PAK2: variants seen among roughly 807,000 people sequenced by gnomAD.
PAK2 encodes the protein p21 (RAC1) activated kinase 2, also known as serine/threonine-protein kinase PAK 2.
Under a neutral mutation model 65.9 loss-of-function variants are expected in PAK2, and 21 were observed. That is an observed-to-expected ratio of 0.32 (90% CI 0.23 to 0.46). PAK2 has a LOEUF of 0.46. Among genes scored for constraint, PAK2 ranks in the 20% least tolerant of loss-of-function variants. The pLI is 1.00. For missense variants in PAK2, 324 were observed against 642.6 expected (o/e 0.50, Z 5.36); for synonymous variants, 204 against 219.7 (o/e 0.93, Z 0.63).
At chr3:196,743,201 G>T (rs116420544) in intron 1 of PAK2, among the ~76,000 whole-genome samples, 56 of 152,290 alleles carry the variant, frequency 3.7e-4, no homozygotes, top group African/African-American at 1.1e-3. Flanking sequence ...AGGGTCACCT[G>T]CCTGGTTAAG....
At chr3:196,784,777 T>C (rs892703303) in intron 2 of PAK2, among the ~76,000 whole-genome samples, 2 of 151,410 alleles carry the variant, frequency 1.3e-5, no homozygotes, top group Admixed American at 6.6e-5. Context: ...GTATTGCTAG[T>C]TCTAGATCCC....
At position 196,739,915 on chromosome 3, in the gene PAK2, C is replaced by G. The variant is rs567831941; in HGVS notation, c.-264C>G. On this transcript the variant is annotated 5_prime_UTR_variant, in exon 1 of 15. Transcript: ENST00000327134. ...CGGCGGCGGTTGTTCCGCTTCCCCT[C>G]CGGCCCGGGCCGTCGCCATTGCCGA... 5.3e-5 allele frequency: 8 copies of G among 152,344 alleles called. No homozygotes were observed. The highest frequency in any genetic ancestry group is 1.9e-4 in the African/African-American group (8 of 41,550). 9.4% of individuals were successfully genotyped at this position (152,344 alleles called of 1,614,324 possible).
At chr3:196,746,521 A>G (rs1713385822) in intron 1 of PAK2, among the ~76,000 whole-genome samples, 1 of 152,188 alleles carries the variant, frequency 6.6e-6, no homozygotes. Flanking sequence ...ATTTAGATTA[A>G]TAAGAATAGG....
chr3:196,821,424 G>A (rs943039574), intron 13 of PAK2, among the ~76,000 whole-genome samples: 12 of 152,128 alleles, frequency 7.9e-5, no homozygotes, highest in African/African-American at 2.7e-4. Flanking sequence ...ATTGGTGACC[G>A]GGTGCGGTGG....
intron 1 of PAK2, among the ~76,000 whole-genome samples, chr3:196,756,600 G>C (rs903529612): frequency 2.0e-5 from 3 of 152,214 alleles, no homozygotes; most frequent in African/African-American, 4.8e-5. Context: ...CACTTTGGGA[G>C]GCCGAGCTGG....
intron 13 of PAK2, among the ~76,000 whole-genome samples, chr3:196,826,013 GT>G (rs55829279): frequency 0.91 from 135,800 of 149,998 alleles, 61,665 homozygotes; most frequent in East Asian, 1. Flanking sequence ...CCAGCTAATT[GT>G]TTTTTTTTTG....
At chr3:196,742,023 A>G (rs921054382) in intron 1 of PAK2, among the ~76,000 whole-genome samples, 11 of 152,148 alleles carry the variant, frequency 7.2e-5, no homozygotes, top group Middle Eastern at 6.8e-3. Flanking sequence ...TTATAGTTCG[A>G]GTATACAGGC....
intron 2 of PAK2, 43 bp from the exon 3 acceptor site, chr3:196,801,884 T>G (rs768746789): frequency 9.9e-7 from 1 of 1,013,774 alleles, no homozygotes; most frequent in South Asian, 1.3e-5. Flanking sequence ...CTAGTCTTGT[T>G]TAAATAGGCT....
intron 13 of PAK2, among the ~76,000 whole-genome samples, chr3:196,826,374 A>G (rs927258501): frequency 1.1e-4 from 16 of 151,454 alleles, no homozygotes; most frequent in South Asian, 4.2e-4. Context: ...GGGTTTCACC[A>G]TGTTAGTCAG....
Position 196,828,627 on chromosome 3 carries a change from G to C in PAK2, c.*222G>C, listed in dbSNP as rs1445638199. The C allele has an allele frequency of 2.0e-6, 1 of 492,574 alleles. No homozygotes were observed. The highest frequency in any genetic ancestry group is 2.0e-5 in the African/African-American group (1 of 49,174). The allele number at this position is 492,574 out of a possible 1,614,324, so 30.5% of individuals were successfully genotyped here. ...TAGGGTCCAGAAGGAATTGTGGACT[G>C]AATCACTAGCCTTAGGTCTTTCAGC... On this transcript the variant is annotated 3_prime_UTR_variant, in exon 15 of 15. Coordinates refer to ENST00000327134, the MANE Select transcript of PAK2 (RefSeq NM_002577.4).
intron 7 of PAK2, among the ~76,000 whole-genome samples, chr3:196,809,180 C>T (rs1715691759): frequency 6.7e-6 from 1 of 148,416 alleles, no homozygotes; most frequent in African/African-American, 2.5e-5. Flanking sequence ...CCCGTGAGTT[C>T]AAGGCTGTAG....
chr3:196,828,319 C>T lies in PAK2; in HGVS notation c.1489C>T (p.His497Tyr). The T allele has an allele frequency of 6.3e-7, 1 of 1,585,160 alleles. No individual in the cohort carries two copies. The highest frequency in any genetic ancestry group is 8.6e-7 in the Non-Finnish European group (1 of 1,157,388). The change falls in exon 15 of 15, where the codon CAT becomes TAT. Residue 497 changes from histidine to tyrosine, a missense_variant and splice_region_variant. By Grantham distance (83) the His-to-Tyr change is moderately conservative. Coordinates refer to ENST00000327134, the MANE Select transcript of PAK2 (RefSeq NM_002577.4). ...TTATTTTTCCCCTTCTTTCTGGCAGCATCCTTTCCTGAAACTGGCCAAACC... is the reference window on the plus strand; with the variant it reads ...TTATTTTTCCCCTTCTTTCTGGCAGTATCCTTTCCTGAAACTGGCCAAACC... ...KRGSAKELLQHPFLKLAKPLS... is the reference protein window; with the variant it reads ...KRGSAKELLQYPFLKLAKPLS...
chr3:196,742,235 C>T (rs773413248), intron 1 of PAK2, among the ~76,000 whole-genome samples: 8 of 151,694 alleles, frequency 5.3e-5, no homozygotes, highest in Non-Finnish European at 8.8e-5. Flanking sequence ...ATTACAGGCA[C>T]GCGCCACCAC....
chr3:196,796,988 G>A (rs1218190364), intron 2 of PAK2, among the ~76,000 whole-genome samples: 2 of 152,012 alleles, frequency 1.3e-5, no homozygotes, highest in Admixed American at 6.6e-5. Flanking sequence ...AATTATAATC[G>A]GAGATTCCAA....
At chr3:196,815,274 T>C (rs1715973595) in intron 11 of PAK2, among the ~76,000 whole-genome samples, 1 of 151,348 alleles carries the variant, frequency 6.6e-6, no homozygotes, top group Non-Finnish European at 1.5e-5. Context: ...GCAGATTCCC[T>C]GAGGTCAGGA....
chr3:196,824,289 A>C (rs566702775), intron 13 of PAK2, among the ~76,000 whole-genome samples: 1 of 152,270 alleles, frequency 6.6e-6, no homozygotes, highest in Admixed American at 6.5e-5. Context: ...TGATGGGGGG[A>C]AAAAGCATAT....
chr3:196,798,186 A>G (rs755206412), intron 2 of PAK2, among the ~76,000 whole-genome samples: 1 of 152,192 alleles, frequency 6.6e-6, no homozygotes, highest in Non-Finnish European at 1.5e-5. Context: ...TAGAATGTCA[A>G]TAAAATGGAT....
intron 2 of PAK2, among the ~76,000 whole-genome samples, chr3:196,795,705 G>C (rs964888475): frequency 3.9e-5 from 6 of 152,026 alleles, no homozygotes; most frequent in African/African-American, 1.4e-4. Flanking sequence ...AACAAAGGAG[G>C]ACACAGAATT....
intron 1 of PAK2, among the ~76,000 whole-genome samples, chr3:196,764,845 T>A (rs9879489): frequency 7.1e-6 from 1 of 140,314 alleles, no homozygotes; most frequent in African/African-American, 2.7e-5. Context: ...TTCTTTCTTT[T>A]TTTTTTTTTT....
Sources: allele counts gnomAD v4.1 joint callset (sites outside exome capture counted in the v4.1 genomes callset), GRCh38; gene constraint gnomAD v4.1.1; transcripts MANE v1.5; gene names NCBI Gene and HGNC (gene_info 2026-07-23, HGNC 2026-07-21).